The following NBPF3 variants were observed in gnomAD, a reference collection of about 807,000 sequenced individuals.
NBPF3 encodes the protein NBPF member 3, also known as NBPF family member NBPF3.
In NBPF3, 57 loss-of-function variants were observed where a neutral mutation model predicts 78.1. The observed-to-expected ratio is 0.73, with a 90% CI of 0.59 to 0.91. The LOEUF (loss-of-function observed/expected upper bound fraction) is 0.91, where lower values mean the gene tolerates loss of function less well. Ranked by LOEUF, NBPF3 falls within the 40% of genes least tolerant of loss-of-function variation. The pLI is 0.00. For missense variants in NBPF3, 510 were observed against 715.3 expected (o/e 0.71, Z 3.27); for synonymous variants, 182 against 271.7 (o/e 0.67, Z 3.25).
chr1:21,445,356 T>C, intron 2 of NBPF3, 137 bp downstream of exon 2: 1 of 1,019,510 alleles, frequency 9.8e-7, no homozygotes, highest in South Asian at 1.7e-5. Flanking sequence ...ATTAAATACG[T>C]ATTTGTTAAA....
Position 21,446,941 on chromosome 1 carries a change from C to T in NBPF3, c.133+1722C>T, listed in dbSNP as rs1170970525. Among the ~76,000 whole-genome samples, 3 of 152,158 alleles carry T rather than the reference C, an allele frequency of 2.0e-5. No individual in the cohort carries two copies. In the East Asian group the frequency reaches 5.8e-4, roughly 29 times the overall value. On this transcript the variant is annotated intron_variant, in intron 2 of 14. Transcript: ENST00000318249. ...CTTAACCGATCTGCTATCTGTATTC[C>T]AGGGGCACCGCAGGGTTAGAGGTAA...
intron 2 of NBPF3, among the ~76,000 whole-genome samples, chr1:21,465,854 C>T (rs1642231090): frequency 6.6e-6 from 1 of 152,182 alleles, no homozygotes; most frequent in Admixed American, 6.5e-5. Context: ...TTTTAGCCAC[C>T]TAACAAGAAA....
chr1:21,441,420 AG>A (rs770345555), intron 1 of NBPF3, among the ~76,000 whole-genome samples: 1 of 152,120 alleles, frequency 6.6e-6, no homozygotes, highest in Non-Finnish European at 1.5e-5. Context: ...TTAAATGTGC[AG>A]GGGGCCCGGG....
chr1:21,439,651 T>C (rs1640512364), upstream of NBPF3, among the ~76,000 whole-genome samples: 1 of 152,164 alleles, frequency 6.6e-6, no homozygotes, highest in South Asian at 2.1e-4. Flanking sequence ...TATTTGATTT[T>C]TTTTTTTTAA....
chr1:21,450,859 C>T (rs1001442782), intron 2 of NBPF3, among the ~76,000 whole-genome samples: 1 of 152,040 alleles, frequency 6.6e-6, no homozygotes, highest in Non-Finnish European at 1.5e-5. Context: ...CGTGAAATGA[C>T]GGGACAGACA....
At chr1:21,459,261 T>G (rs1267545089) in intron 2 of NBPF3, among the ~76,000 whole-genome samples, 1 of 152,226 alleles carries the variant, frequency 6.6e-6, no homozygotes, top group Non-Finnish European at 1.5e-5. Context: ...GGCAAGTCGG[T>G]CTTGAAGAAG....
Position 21,441,706 on chromosome 1 carries a change from CAAAAAA to C in NBPF3, c.-140+1372_-140+1377del, listed in dbSNP as rs772118033. ...TGGATGGCAGAGTGAGAGCCTATCT[CAAAAAA>C]AAAAAAAAAAAAAGTAATGAATTTT... On this transcript the variant is annotated intron_variant, in intron 1 of 14. Coordinates refer to ENST00000318249, the MANE Select transcript of NBPF3 (RefSeq NM_032264.6). Among the ~76,000 whole-genome samples, 95 of 76,928 alleles carry C rather than the reference CAAAAAA, an allele frequency of 1.2e-3. 1 individual carries two copies. The highest frequency in any genetic ancestry group is 2.3e-4 in the Non-Finnish European group (8 of 35,000). 50.5% of individuals were successfully genotyped at this position (76,928 alleles called of 152,430 possible).
intron 2 of NBPF3, chr1:21,446,042 G>A (rs1282861984): frequency 6.6e-6 from 1 of 152,406 alleles, no homozygotes; most frequent in Non-Finnish European, 1.5e-5. Flanking sequence ...CACAGGTCCT[G>A]GGGGAGTAGG....
upstream of NBPF3, among the ~76,000 whole-genome samples, chr1:21,439,722 G>A (rs568479533): frequency 1.3e-5 from 2 of 151,980 alleles, no homozygotes; most frequent in African/African-American, 4.8e-5. Flanking sequence ...CTCACGCCTG[G>A]CCCTATTTGA....
At chr1:21,462,892 G>A (rs761303813) in intron 2 of NBPF3, among the ~76,000 whole-genome samples, 2 of 152,182 alleles carry the variant, frequency 1.3e-5, no homozygotes, top group Admixed American at 6.5e-5. Context: ...ATTTAAATAT[G>A]ATCGCATGGC....
intron 2 of NBPF3, among the ~76,000 whole-genome samples, chr1:21,463,859 A>G (rs894701322): frequency 3.9e-5 from 6 of 152,236 alleles, no homozygotes; most frequent in South Asian, 2.1e-4. Context: ...AAGATGTTCA[A>G]TGTTTTTCGT....
In NBPF3 at chr1:21,471,770, A is replaced by G. The variant is rs1642611119; in HGVS notation, c.648A>G (p.Gln216=). The part of the protein sequence containing the change: ...EGCRLAQHLV[Q]KLSPENDDDE... ...GTAGGCTGGCACAGCACCTCGTCCAAAAGCTCAGCCCAGGTGAGGTGGCCA... is the reference window on the plus strand; with the variant it reads ...GTAGGCTGGCACAGCACCTCGTCCAGAAGCTCAGCCCAGGTGAGGTGGCCA... Residue 216 remains glutamine (Q), a synonymous_variant, in exon 5 of 15, where the codon CAA becomes CAG. Transcript: ENST00000318249. 6.2e-7 allele frequency: 1 copy of G among 1,612,706 alleles called. No individual in the cohort carries two copies. The highest frequency in any genetic ancestry group is 1.7e-5 in the Admixed American group (1 of 59,938).
chr1:21,453,342 C>T (rs1315995229), intron 2 of NBPF3: 2 of 152,178 alleles, frequency 1.3e-5, no homozygotes, highest in African/African-American at 4.8e-5. Context: ...CTCAGTGGGT[C>T]CCATAGCATT....
rs377201446 is a variant in NBPF3 at position 21,476,391 on chromosome 1, G to T, written c.992+1440G>T. ...ATTGATGGTCTTTACAATTTGGCAC[G>T]TTTTTGCAGTGGCTGGCTGGTACTG... is the stretch of plus-strand genomic sequence containing the variant. On this transcript the variant is annotated intron_variant, in intron 8 of 14. Transcript: ENST00000318249. The surrounding 1 kb of genome is among the most constrained non-coding windows in gnomAD (Gnocchi z 4.1). 6.6e-6 allele frequency among the ~76,000 whole-genome samples: 1 copy of T among 152,152 alleles called. No homozygotes were observed. The highest frequency in any genetic ancestry group is 1.5e-5 in the Non-Finnish European group (1 of 68,030).
rs1384302885 is a variant in NBPF3, at chr1:21,476,683, G to A, written c.993-1461G>A. On this transcript the variant is annotated intron_variant, in intron 8 of 14. Transcript: ENST00000318249. This position sits in a 1 kb window ranked among gnomAD's most constrained non-coding sequence, Gnocchi z 4.1. Reference sequence around the variant, plus strand: ...GTGGGCTTCCCTTAGTGGGTAACTCGACCATTCTCTCTGGCTGCCCTTAAC... The same window carrying A: ...GTGGGCTTCCCTTAGTGGGTAACTCAACCATTCTCTCTGGCTGCCCTTAAC... Among the ~76,000 whole-genome samples the A allele has an allele frequency of 1.3e-5, 2 of 152,146 alleles. No individual in the cohort carries two copies. Among genetic ancestry groups the A allele is most frequent in the South Asian group, 2.1e-4 (1 of 4,826 alleles).
rs1355940361 is a variant in NBPF3, at chr1:21,476,957, T to G, written c.993-1187T>G. On this transcript the variant is annotated intron_variant, in intron 8 of 14. Transcript: ENST00000318249. This position sits in a 1 kb window ranked among gnomAD's most constrained non-coding sequence, Gnocchi z 4.1. ...TCTTTTCACATAGTCCCATATTTATTGGAGGCTTTGTTCATTTCTTTTTAC... is the reference window on the plus strand; with the variant it reads ...TCTTTTCACATAGTCCCATATTTATGGGAGGCTTTGTTCATTTCTTTTTAC... Among the ~76,000 whole-genome samples the G allele has an allele frequency of 6.6e-6, 1 of 152,248 alleles. No individual in the cohort carries two copies. Among genetic ancestry groups the G allele is most frequent in the South Asian group, 2.1e-4 (1 of 4,836 alleles).
At chr1:21,470,593 C>T in intron 3 of NBPF3, 39 bp from the exon 4 acceptor site, 1 of 1,513,524 alleles carries the variant, frequency 6.6e-7, no homozygotes. Flanking sequence ...GCAGCATGTC[C>T]AGCCTTTCAC....
upstream of NBPF3, chr1:21,439,986 G>GC (rs1330953569): frequency 6.6e-6 from 1 of 152,300 alleles, no homozygotes; most frequent in South Asian, 2.1e-4. Flanking sequence ...TTCTCGGCCC[G>GC]CAGGGCCCCT....
intron 2 of NBPF3, among the ~76,000 whole-genome samples, chr1:21,463,666 G>A (rs1300044206): frequency 6.6e-6 from 1 of 152,170 alleles, no homozygotes; most frequent in Non-Finnish European, 1.5e-5. Context: ...GAAGTGAAAA[G>A]ATAATCCACA....
Sources: allele counts gnomAD v4.1 joint callset (sites outside exome capture counted in the v4.1 genomes callset), GRCh38; gene constraint gnomAD v4.1.1; non-coding constraint Gnocchi (gnomAD v3.1); transcripts MANE v1.5; gene names NCBI Gene and HGNC (gene_info 2026-07-23, HGNC 2026-07-21).